GRWD1: variants seen among roughly 807,000 people sequenced by gnomAD.
GRWD1 encodes the protein glutamate-rich WD repeat-containing protein 1.
Under a neutral mutation model 45.3 loss-of-function variants are expected in GRWD1, and 29 were observed. That is an observed-to-expected ratio of 0.64 (90% CI 0.48 to 0.87). The LOEUF (loss-of-function observed/expected upper bound fraction) is 0.87, where lower values mean the gene tolerates loss of function less well. Ranked by LOEUF, GRWD1 falls within the 40% of genes least tolerant of loss-of-function variation. GRWD1 has a pLI of 0.00. For synonymous variants in GRWD1, 262 were observed against 257.6 expected (o/e 1.02, Z -0.16); for missense variants, 592 against 618.8 (o/e 0.96, Z 0.46).
rs1601005828 is a variant in GRWD1 at position 48,452,537 on chromosome 19, G to A, written c.1024-171G>A. On this transcript the variant is annotated intron_variant, in intron 6 of 6. Transcript: ENST00000253237. The surrounding 1 kb of genome is among the most constrained non-coding windows in gnomAD (Gnocchi z 5.1). ...ACCCCTGGGCTGGTCAGCCTTCTTA[G>A]CAGCCAGAATTACCCTGTGTCCCTT... Among the ~76,000 whole-genome samples, 1 of 152,176 alleles carries A rather than the reference G, an allele frequency of 6.6e-6. No homozygotes were observed. Among genetic ancestry groups the A allele is most frequent in the Non-Finnish European group, 1.5e-5 (1 of 68,018 alleles).
chr19:48,455,460 C>G lies in GRWD1; in HGVS notation c.*2435C>G, dbSNP rs1288240293. On this transcript the variant is annotated 3_prime_UTR_variant, in exon 7 of 7. Coordinates refer to ENST00000253237, the MANE Select transcript of GRWD1 (RefSeq NM_031485.4). ...TGACTTTGACACGAAGTTGAAGCAC[C>G]TTAAGCCCTGTATCTCCTTTATATG... 6.6e-6 allele frequency: 1 copy of G among 152,174 alleles called. No individual in the cohort carries two copies. Among genetic ancestry groups the G allele is most frequent in the Admixed American group, 6.5e-5 (1 of 15,274 alleles). The allele number at this position is 152,174 out of a possible 1,614,324, so 9.4% of individuals were successfully genotyped here. A position where few individuals can be genotyped will look rare whatever the true frequency, so the allele number is the denominator to read the frequency against.
chr19:48,451,087 A>G lies in GRWD1; in HGVS notation c.879A>G (p.Ala293=). 6 of 1,614,088 alleles carry G rather than the reference A, an allele frequency of 3.7e-6. No individual in the cohort carries two copies. The highest frequency in any genetic ancestry group is 5.1e-6 in the Non-Finnish European group (6 of 1,180,000). The change falls in exon 6 of 7, where the codon GCA becomes GCG. Residue 293 remains alanine, a synonymous_variant. Transcript: ENST00000253237. ...CCATCCGCATCTGGGACATCCGGGC[A>G]GCCCCCAGCAAGGCCTGCATGCTCA... ...DASIRIWDIR[A]APSKACMLTT...
chr19:48,449,344 G>C (rs1400518384), intron 3 of GRWD1, among the ~76,000 whole-genome samples: 1 of 152,104 alleles, frequency 6.6e-6, no homozygotes, highest in African/African-American at 2.4e-5. Context: ...TGCCCTCCTC[G>C]GCCTCCCAAA....
In GRWD1 at chr19:48,451,177, G is replaced by C. The variant is rs1163835600; in HGVS notation, c.969G>C (p.Leu323=). ...GCTGGAGCCGCCGGGAGCCCTTCCTGCTCAGTGGCGGGGATGATGGGGCCC... is the reference window on the plus strand; with the variant it reads ...GCTGGAGCCGCCGGGAGCCCTTCCTCCTCAGTGGCGGGGATGATGGGGCCC... ...VISWSRREPF[L]LSGGDDGALK... The change falls in exon 6 of 7, where the codon CTG becomes CTC. Residue 323 remains leucine (L), a synonymous_variant. Transcript: ENST00000253237. The C allele has an allele frequency of 6.2e-7, 1 of 1,612,854 alleles. No individual in the cohort carries two copies. Among genetic ancestry groups the C allele is most frequent in the East Asian group, 2.2e-5 (1 of 44,874 alleles).
intron 3 of GRWD1, among the ~76,000 whole-genome samples, chr19:48,448,622 T>C (rs1799273): frequency 0.8 from 121,907 of 152,108 alleles, 50,339 homozygotes; most frequent in Non-Finnish European, 0.91. Context: ...GAAAGTATTC[T>C]GTCATAAAAT....
rs1376713664 is a variant in GRWD1, at chr19:48,451,050, C to T, written c.842C>T (p.Ser281Leu). ...CTCCCCCAGGTGTTTGCCTCCTGCT[C>T]AGCTGACGCCTCCATCCGCATCTGG... is the stretch of plus-strand genomic sequence containing the variant. ...PTENTVFASC[S>L]ADASIRIWDI... The change falls in exon 6 of 7, where the codon TCA becomes TTA. Residue 281 changes from serine (S) to leucine (L), a missense_variant. Coordinates refer to ENST00000253237, the MANE Select transcript of GRWD1 (RefSeq NM_031485.4). 1.2e-6 allele frequency: 2 copies of T among 1,613,744 alleles called. No individual in the cohort carries two copies. Among genetic ancestry groups the T allele is most frequent in the Non-Finnish European group, 1.7e-6 (2 of 1,179,868 alleles).
Position 48,454,235 on chromosome 19 carries a change from TTCTC to T in GRWD1, c.*1212_*1215del, listed in dbSNP as rs1569080973. 6.6e-6 allele frequency: 1 copy of T among 152,170 alleles called. No homozygotes were observed. The highest frequency in any genetic ancestry group is 1.5e-5 in the Non-Finnish European group (1 of 68,146). 9.4% of individuals were successfully genotyped at this position (152,170 alleles called of 1,614,324 possible). ...CCCCTTTATCACGTTTCTTTCTTTCTTCTCTGTGTCCCCCTCTTTCAGAGTCTCC... is the reference window on the plus strand; with the variant it reads ...CCCCTTTATCACGTTTCTTTCTTTCTTGTGTCCCCCTCTTTCAGAGTCTCC... On this transcript the variant is annotated 3_prime_UTR_variant, in exon 7 of 7. Coordinates refer to ENST00000253237, the MANE Select transcript of GRWD1 (RefSeq NM_031485.4).
rs200076597 is a variant in GRWD1 at position 48,452,863 on chromosome 19, C to A, written c.1179C>A (p.Asp393Glu). ...LAVERDPEAG[D>E]VEADPGLADL... ...TGGAGCGGGACCCTGAGGCGGGCGA[C>A]GTGGAGGCCGACCCCGGACTGGCCG... The change falls in exon 7 of 7, where the codon GAC (aspartate) becomes GAA (glutamate). Residue 393 changes from aspartate to glutamate, a missense_variant. Asp to Glu is a conservative substitution (Grantham distance 45). Coordinates refer to ENST00000253237, the MANE Select transcript of GRWD1 (RefSeq NM_031485.4). This position sits in a 1 kb window ranked among gnomAD's most constrained non-coding sequence, Gnocchi z 5.1. 1.2e-6 allele frequency: 2 copies of A among 1,612,680 alleles called. No homozygotes were observed. The highest frequency in any genetic ancestry group is 3.3e-5 in the Admixed American group (2 of 59,976).
Position 48,450,710 on chromosome 19 carries a change from A to G in GRWD1, c.727A>G (p.Thr243Ala). The change falls in exon 5 of 7, where the codon ACA becomes GCA. Residue 243 changes from threonine to alanine, a missense_variant. Coordinates refer to ENST00000253237, the MANE Select transcript of GRWD1 (RefSeq NM_031485.4). This position sits in a 1 kb window ranked among gnomAD's most constrained non-coding sequence, Gnocchi z 5.1. ...CTGTCAAAAGAACATCCACCTCTGG[A>G]CACCTACGGACGGCGGCTCCTGGCA... Reference protein sequence around the residue: ...GDCQKNIHLWTPTDGGSWHVD... With the variant: ...GDCQKNIHLWAPTDGGSWHVD... The G allele has an allele frequency of 6.2e-7, 1 of 1,613,972 alleles. No homozygotes were observed. The highest frequency in any genetic ancestry group is 8.5e-7 in the Non-Finnish European group (1 of 1,180,010).
rs1971461272 is a variant in GRWD1, at chr19:48,450,576, C to G, written c.682+50C>G. The stretch of plus-strand genomic sequence containing the variant: ...TCCCGGGAGGTCGGGGGAGCAGGGT[C>G]TGCAACAAGGGGCCGGGCGCTTAGA... On this transcript the variant is annotated intron_variant, in intron 4 of 6. Transcript: ENST00000253237. The surrounding 1 kb of genome is among the most constrained non-coding windows in gnomAD (Gnocchi z 5.1). The G allele has an allele frequency of 1.2e-6, 2 of 1,610,706 alleles. No individual in the cohort carries two copies. The highest frequency in any genetic ancestry group is 1.7e-6 in the Non-Finnish European group (2 of 1,177,806).
Position 48,446,077 on chromosome 19 carries a change from A to G in GRWD1, c.72A>G (p.Thr24=), listed in dbSNP as rs1814907699. ...CCATGGAAGCCGAGTCCGGCGACAC[A>G]AGTTCCGAGGGCCCGGCCCAGGTCT... ...GEPMEAESGD[T]SSEGPAQVYL... Residue 24 remains threonine, a synonymous_variant, in exon 1 of 7, where the codon ACA becomes ACG. Coordinates refer to ENST00000253237, the MANE Select transcript of GRWD1 (RefSeq NM_031485.4). 6.3e-7 allele frequency: 1 copy of G among 1,597,170 alleles called. No individual in the cohort carries two copies. The highest frequency in any genetic ancestry group is 8.5e-7 in the Non-Finnish European group (1 of 1,173,428).
In GRWD1 at chr19:48,453,715, G is replaced by A. The variant is rs1971502566; in HGVS notation, c.*690G>A. On this transcript the variant is annotated 3_prime_UTR_variant, in exon 7 of 7. Transcript: ENST00000253237. ...ATACAGTGGCTGCACCAAATTGGAGGTGTGGGTTCCTCCAACACAATTTGC... is the reference window on the plus strand; with the variant it reads ...ATACAGTGGCTGCACCAAATTGGAGATGTGGGTTCCTCCAACACAATTTGC... 1 of 152,250 alleles carries A rather than the reference G, an allele frequency of 6.6e-6. No individual in the cohort carries two copies. The highest frequency in any genetic ancestry group is 1.5e-5 in the Non-Finnish European group (1 of 68,078). 9.4% of individuals were successfully genotyped at this position (152,250 alleles called of 1,614,324 possible).
At position 48,450,795 on chromosome 19, in the gene GRWD1, C is replaced by G; in HGVS notation, c.812C>G (p.Pro271Arg). 6.2e-7 allele frequency: 1 copy of G among 1,613,554 alleles called. No individual in the cohort carries two copies. The highest frequency in any genetic ancestry group is 8.5e-7 in the Non-Finnish European group (1 of 1,179,794). ...TRSVEDLQWS[P>R]TENTVFASCS... ...TCTGTGGAGGACCTGCAGTGGTCACCGACTGAGAACACGGTGAGGGAGGGT... is the reference window on the plus strand; with the variant it reads ...TCTGTGGAGGACCTGCAGTGGTCACGGACTGAGAACACGGTGAGGGAGGGT... The change falls in exon 5 of 7, where the codon CCG becomes CGG. Residue 271 changes from proline (P) to arginine (R), a missense_variant. Transcript: ENST00000253237. The surrounding 1 kb of genome is among the most constrained non-coding windows in gnomAD (Gnocchi z 5.1).
Position 48,450,901 on chromosome 19 carries a change from C to T in GRWD1, c.825+93C>T. On this transcript the variant is annotated intron_variant, in intron 5 of 6. Coordinates refer to ENST00000253237, the MANE Select transcript of GRWD1 (RefSeq NM_031485.4). This position sits in a 1 kb window ranked among gnomAD's most constrained non-coding sequence, Gnocchi z 5.1. The stretch of plus-strand genomic sequence containing the variant: ...GTCTGAGGGAAAAGAGGGCTGGGAG[C>T]CTGACGGAGGTTTAGTTTCCAGGCC... 1 of 1,506,986 alleles carries T rather than the reference C, an allele frequency of 6.6e-7. No individual in the cohort carries two copies. The highest frequency in any genetic ancestry group is 9.0e-7 in the Non-Finnish European group (1 of 1,107,814). 93.4% of individuals were successfully genotyped at this position (1,506,986 alleles called of 1,614,324 possible). A position where few individuals can be genotyped will look rare whatever the true frequency, so the allele number is the denominator to read the frequency against.
chr19:48,450,900 G>A lies in GRWD1; in HGVS notation c.825+92G>A, dbSNP rs771322892. The stretch of plus-strand genomic sequence containing the variant: ...GGTCTGAGGGAAAAGAGGGCTGGGA[G>A]CCTGACGGAGGTTTAGTTTCCAGGC... On this transcript the variant is annotated intron_variant, in intron 5 of 6. Coordinates refer to ENST00000253237, the MANE Select transcript of GRWD1 (RefSeq NM_031485.4). The surrounding 1 kb of genome is among the most constrained non-coding windows in gnomAD (Gnocchi z 5.1). The A allele has an allele frequency of 3.6e-5, 55 of 1,507,660 alleles. No homozygotes were observed. Among genetic ancestry groups the A allele is most frequent in the Non-Finnish European group, 4.1e-5 (45 of 1,108,556 alleles). 93.4% of individuals were successfully genotyped at this position (1,507,660 alleles called of 1,614,324 possible). A position where few individuals can be genotyped will look rare whatever the true frequency, so the allele number is the denominator to read the frequency against.
chr19:48,455,219 A>C lies in GRWD1; in HGVS notation c.*2194A>C, dbSNP rs1004360446. On this transcript the variant is annotated 3_prime_UTR_variant, in exon 7 of 7. Transcript: ENST00000253237. The stretch of plus-strand genomic sequence containing the variant: ...GGTCCCTGTCCTGCTTGGTCCCTGT[A>C]CTTTTTCTTGGGGCACCCTCTCAAC... 4 of 151,870 alleles carry C rather than the reference A, an allele frequency of 2.6e-5. No individual in the cohort carries two copies. The highest frequency in any genetic ancestry group is 5.9e-5 in the Non-Finnish European group (4 of 68,180). 9.4% of individuals were successfully genotyped at this position (151,870 alleles called of 1,614,324 possible). A position where few individuals can be genotyped will look rare whatever the true frequency, so the allele number is the denominator to read the frequency against.
chr19:48,449,822 A>G (rs541789706), intron 3 of GRWD1, among the ~76,000 whole-genome samples: 33 of 152,244 alleles, frequency 2.2e-4, no homozygotes, highest in Non-Finnish European at 2.2e-4. Context: ...CCCTGTCTCA[A>G]AAACAAAAAA....
At position 48,450,371 on chromosome 19, in the gene GRWD1, AG is replaced by A; in HGVS notation, c.529del (p.Val177CysfsTer28). 1 of 1,613,290 alleles carries A rather than the reference AG, an allele frequency of 6.2e-7. No homozygotes were observed. The highest frequency in any genetic ancestry group is 8.5e-7 in the Non-Finnish European group (1 of 1,179,874). On this transcript the variant is annotated frameshift_variant, in exon 4 of 7. Transcript: ENST00000253237. LOFTEE classifies it high-confidence loss of function. This position sits in a 1 kb window ranked among gnomAD's most constrained non-coding sequence, Gnocchi z 5.1. ...AGVWSEKGQV[E>X]VFALRRLLQV... Reference sequence around the variant, plus strand: ...GTGTGGTCAGAGAAGGGCCAGGTGGAGGTGTTTGCGCTGCGGCGGCTTCTGC... The same window carrying A: ...GTGTGGTCAGAGAAGGGCCAGGTGGAGTGTTTGCGCTGCGGCGGCTTCTGC...
In GRWD1 at chr19:48,446,018, A is replaced by G. The variant is rs1195118835; in HGVS notation, c.13A>G (p.Lys5Glu). 3 of 1,588,590 alleles carry G rather than the reference A, an allele frequency of 1.9e-6. No homozygotes were observed. The highest frequency in any genetic ancestry group is 2.6e-6 in the Non-Finnish European group (3 of 1,169,118). Residue 5 changes from lysine to glutamate, a missense_variant, in exon 1 of 7, where the codon AAG becomes GAG. Physicochemically the swap from Lys to Glu is moderately conservative, Grantham distance 56. Coordinates refer to ENST00000253237, the MANE Select transcript of GRWD1 (RefSeq NM_031485.4). ...AGAGGGTTCGAAGATGGCGGCGCGC[A>G]AGGGTCGGCGGCGCACGTGTGAAAC... MAAR[K>E]GRRRTCETGE...
Sources: gnomAD v4.1 joint callset for allele counts (sites outside exome capture counted in the v4.1 genomes callset) on GRCh38, gnomAD v4.1.1 for gene constraint, Gnocchi (gnomAD v3.1) non-coding constraint, MANE v1.5 for transcripts, NCBI Gene and HGNC (gene_info 2026-07-23, HGNC 2026-07-21) for gene names.